Variants in ITGB3BP observed in about 807,000 individuals in gnomAD.
The protein encoded by ITGB3BP is centromere protein R.
A neutral mutation model predicts 29.1 loss-of-function variants in ITGB3BP; 27 were observed. The ratio of observed to expected loss-of-function variants is 0.93; its 90% confidence interval spans 0.68 to 1.28. The LOEUF (loss-of-function observed/expected upper bound fraction) is 1.28, where lower values mean the gene tolerates loss of function less well. Ranked by LOEUF, ITGB3BP falls within the 50% of genes most tolerant of loss-of-function variation. ITGB3BP has a pLI of 0.00. For synonymous variants in ITGB3BP, 61 were observed against 61.4 expected, an observed-to-expected ratio of 0.99 and a Z score of 0.03; for missense variants, 192 against 200.2, an observed-to-expected ratio of 0.96 and a Z score of 0.25.
intron 2 of ITGB3BP, among the ~76,000 whole-genome samples, chr1:63,493,932 A>C (rs1297123524): frequency 6.6e-6 from 1 of 152,244 alleles, no homozygotes; most frequent in Non-Finnish European, 1.5e-5. Context: ...GGTCAACTAG[A>C]AACAAAAGGG....
chr1:63,485,400 G>A (rs931668984), intron 3 of ITGB3BP, among the ~76,000 whole-genome samples: 1 of 150,380 alleles, frequency 6.6e-6, no homozygotes, highest in Admixed American at 6.7e-5. Flanking sequence ...TTCCATGATA[G>A]TTTTTCACCC....
chr1:63,493,061 TG>T (rs1645690221), intron 2 of ITGB3BP, among the ~76,000 whole-genome samples: 2 of 131,146 alleles, frequency 1.5e-5, no homozygotes, highest in Non-Finnish European at 3.2e-5. Context: ...TAGTGAGCTG[TG>T]GATCACACCA....
chr1:63,470,520 C>T (rs1401594136), intron 4 of ITGB3BP, among the ~76,000 whole-genome samples: 2 of 152,182 alleles, frequency 1.3e-5, no homozygotes, highest in Non-Finnish European at 2.9e-5. Flanking sequence ...TGGAATTATA[C>T]ACTATGAAAC....
Position 63,460,783 on chromosome 1 carries a change from G to C in ITGB3BP, c.255-5815C>G, listed in dbSNP as rs147386680. On this transcript the variant is annotated intron_variant, in intron 4 of 8. Transcript: ENST00000271002. Reference sequence around the variant, plus strand: ...TTTCTCTATATCCTTGCCAATATTTGTTATTTTCCATTTTTATTGTTTGTT... The same window carrying C: ...TTTCTCTATATCCTTGCCAATATTTCTTATTTTCCATTTTTATTGTTTGTT... Among the ~76,000 whole-genome samples, 1,191 of 152,136 alleles carry C rather than the reference G, an allele frequency of 7.8e-3. 13 individuals carry two copies. Among genetic ancestry groups the C allele is most frequent in the African/African-American group, 0.026 (1,077 of 41,488 alleles).
chr1:63,471,327 A>G (rs10749743), intron 4 of ITGB3BP, among the ~76,000 whole-genome samples: 137,644 of 147,924 alleles, frequency 0.93, 64,899 homozygotes, highest in East Asian at 1. Context: ...CAGTGGTGGC[A>G]CGATCTCGGC....
chr1:63,521,354 C>T (rs1422641585), intron 1 of ITGB3BP, among the ~76,000 whole-genome samples: 2 of 151,674 alleles, frequency 1.3e-5, no homozygotes, highest in Non-Finnish European at 2.9e-5. Context: ...TTGATTTAGT[C>T]TTAAATCACT....
rs1196554276 is a variant in ITGB3BP at position 63,472,364 on chromosome 1, CA to C, written c.254+6399del. Among the ~76,000 whole-genome samples, 1,055 of 118,528 alleles carry C rather than the reference CA, an allele frequency of 8.9e-3. 25 individuals carry two copies. The highest frequency in any genetic ancestry group is 0.03 in the African/African-American group (957 of 32,352). The allele number at this position is 118,528 out of a possible 152,430, so 77.8% of individuals were successfully genotyped here. On this transcript the variant is annotated intron_variant, in intron 4 of 8. Transcript: ENST00000271002. ...ATCTCTCCTAGCTATGATATTTTTGCAAAAAAAAAAAAAAAGAATATTGCCA... is the reference window on the plus strand; with the variant it reads ...ATCTCTCCTAGCTATGATATTTTTGCAAAAAAAAAAAAAAGAATATTGCCA...
In ITGB3BP at chr1:63,478,836, A is replaced by G; in HGVS notation, c.185-3T>C. On this transcript the variant is annotated splice_region_variant and splice_polypyrimidine_tract_variant and intron_variant, in intron 3 of 8. Coordinates refer to ENST00000271002, the MANE Select transcript of ITGB3BP (RefSeq NM_014288.5). ...GTGATTCAATTTTTTTCTCTTTTCT[A>G]TATATGTGTAATAAAGAAAAGGACA... 8.8e-7 allele frequency: 1 copy of G among 1,140,782 alleles called. No individual in the cohort carries two copies. Among genetic ancestry groups the G allele is most frequent in the Admixed American group, 2.6e-5 (1 of 38,638 alleles). 70.7% of individuals were successfully genotyped at this position (1,140,782 alleles called of 1,614,324 possible).
chr1:63,447,498 C>T, intron 7 of ITGB3BP: 1 of 454,276 alleles, frequency 2.2e-6, no homozygotes, highest in South Asian at 1.6e-5. Context: ...TGCACTACAA[C>T]ATGATACATT....
rs755861274 is a variant in ITGB3BP, at chr1:63,454,897, C to T, written c.326G>A (p.Ser109Asn). Reference protein sequence around the residue: ...EIMEIMQNLSSIQALEGSREL... With the variant: ...EIMEIMQNLSNIQALEGSREL... ...GTATGAAAAAATGCAAACCTGTATACTACTTAAATTTTGCATTATCTCCAT... is the reference window on the plus strand; with the variant it reads ...GTATGAAAAAATGCAAACCTGTATATTACTTAAATTTTGCATTATCTCCAT... Residue 109 changes from serine to asparagine, a missense_variant, in exon 5 of 9, where the codon AGT (serine) becomes AAT (asparagine). Ser to Asn is a conservative substitution (Grantham distance 46, BLOSUM62 1). Transcript: ENST00000271002. The surrounding 1 kb of genome is among the most constrained non-coding windows in gnomAD (Gnocchi z 4.1). 35 of 1,500,304 alleles carry T rather than the reference C, an allele frequency of 2.3e-5. No homozygotes were observed. Among genetic ancestry groups the T allele is most frequent in the Non-Finnish European group, 3.7e-6 (4 of 1,078,952 alleles). 92.9% of individuals were successfully genotyped at this position (1,500,304 alleles called of 1,614,324 possible).
At chr1:63,478,613 C>T in intron 4 of ITGB3BP, 151 bp downstream of exon 4, 1 of 488,672 alleles carries the variant, frequency 2.0e-6, no homozygotes, top group Non-Finnish European at 3.6e-6. Context: ...CACATCACAA[C>T]TAAGGTATTC....
chr1:63,447,039 T>C, intron 7 of ITGB3BP, 183 bp from the exon 8 acceptor site: 1 of 563,050 alleles, frequency 1.8e-6, no homozygotes, highest in Non-Finnish European at 3.2e-6. Flanking sequence ...AGCCTGATTC[T>C]ATTTCAGAAT....
At chr1:63,509,980 G>T in intron 1 of ITGB3BP, 1 of 423,334 alleles carries the variant, frequency 2.4e-6, no homozygotes, top group Non-Finnish European at 4.2e-6. Flanking sequence ...ATCACCTGAC[G>T]TCAGGAGTTC....
chr1:63,464,617 T>C (rs148945878), intron 4 of ITGB3BP, among the ~76,000 whole-genome samples: 6 of 152,340 alleles, frequency 3.9e-5, no homozygotes, highest in African/African-American at 1.2e-4. Flanking sequence ...GAATCATCAA[T>C]GTATGTTAAA....
intron 4 of ITGB3BP, among the ~76,000 whole-genome samples, chr1:63,462,687 C>T (rs900934361): frequency 2.0e-5 from 3 of 152,214 alleles, no homozygotes; most frequent in African/African-American, 7.2e-5. Context: ...CTTATATCTT[C>T]ATCCTAAGAT....
upstream of ITGB3BP, chr1:63,523,262 C>G: frequency 1.6e-6 from 2 of 1,272,890 alleles, no homozygotes. Flanking sequence ...AAGCCCACCG[C>G]GGCCGGGCGG....
chr1:63,468,618 T>C (rs1006655184), intron 4 of ITGB3BP, among the ~76,000 whole-genome samples: 9 of 151,828 alleles, frequency 5.9e-5, no homozygotes, highest in Non-Finnish European at 1.3e-4. Flanking sequence ...TCCCAGCACT[T>C]TGGGAGGCCG....
chr1:63,497,843 G>A (rs114253955), intron 2 of ITGB3BP, among the ~76,000 whole-genome samples: 2,193 of 152,202 alleles, frequency 0.014, 61 homozygotes, highest in African/African-American at 0.05. Context: ...TTTATCACTG[G>A]GGTGTGTTTA....
chr1:63,490,289 T>C (rs7530696), intron 2 of ITGB3BP, 71 bp from the exon 3 acceptor site: 5 of 1,121,330 alleles, frequency 4.5e-6, no homozygotes, highest in Non-Finnish European at 6.3e-6. Flanking sequence ...TATATACCAT[T>C]AAAAAATCAG....
Sources: gnomAD v4.1 joint callset for allele counts (sites outside exome capture counted in the v4.1 genomes callset) on GRCh38, gnomAD v4.1.1 for gene constraint, Gnocchi (gnomAD v3.1) non-coding constraint, MANE v1.5 for transcripts, NCBI Gene and HGNC (gene_info 2026-07-23, HGNC 2026-07-21) for gene names.